The following LRMDA variants were observed in gnomAD, a reference collection of about 807,000 sequenced individuals.
LRMDA encodes leucine-rich melanocyte differentiation-associated protein.
In LRMDA, 18 loss-of-function variants were observed where a neutral mutation model predicts 29.8. The ratio of observed to expected loss-of-function variants is 0.60; its 90% CI spans 0.42 to 0.90. The LOEUF is 0.90. LRMDA is among the 40% of genes least tolerant of loss of function. LRMDA has a pLI of 0.00. For synonymous variants in LRMDA, 125 were observed against 109.4 expected (o/e 1.14, Z -0.89); for missense variants, 273 against 273.9 (o/e 1.00, Z 0.02).
At chr10:75,949,006 G>A (rs545983019) in intron 2 of LRMDA, among the ~76,000 whole-genome samples, 1 of 152,048 alleles carries the variant, frequency 6.6e-6, no homozygotes, top group Admixed American at 6.5e-5. Flanking sequence ...AAGCTTTTGT[G>A]TGTGTGTGTA....
chr10:75,898,337 T>C (rs1035317244), intron 2 of LRMDA, among the ~76,000 whole-genome samples: 3 of 152,174 alleles, frequency 2.0e-5, no homozygotes, highest in African/African-American at 7.2e-5. Flanking sequence ...GGGAAAGATA[T>C]CAAAGCAGGT....
At chr10:76,477,541 GA>G (rs1432417890) in intron 6 of LRMDA, among the ~76,000 whole-genome samples, 2 of 152,000 alleles carry the variant, frequency 1.3e-5, no homozygotes, top group Non-Finnish European at 2.9e-5. Flanking sequence ...CACAGAATTG[GA>G]AAAAACTACT....
At chr10:75,626,538 G>A (rs1050150535) in intron 2 of LRMDA, among the ~76,000 whole-genome samples, 1 of 152,198 alleles carries the variant, frequency 6.6e-6, no homozygotes, top group African/African-American at 2.4e-5. Flanking sequence ...TTGCTAGGGA[G>A]GGGAAGGTCC....
chr10:75,848,571 C>T (rs1844680192), intron 2 of LRMDA, among the ~76,000 whole-genome samples: 1 of 152,200 alleles, frequency 6.6e-6, no homozygotes, highest in African/African-American at 2.4e-5. Context: ...CTTTTCCTGC[C>T]TCCTTCTTCC....
chr10:75,636,687 G>C (rs1841393842), intron 2 of LRMDA, among the ~76,000 whole-genome samples: 4 of 152,134 alleles, frequency 2.6e-5, no homozygotes, highest in Admixed American at 2.6e-4. Context: ...ATCCAGTAAA[G>C]GCCATCAGCC....
At chr10:75,823,733 CAG>C (rs1844204158) in intron 2 of LRMDA, among the ~76,000 whole-genome samples, 1 of 144,568 alleles carries the variant, frequency 6.9e-6, no homozygotes, top group African/African-American at 2.6e-5. Flanking sequence ...TGTGTGTACA[CAG>C]ACACATATAT....
chr10:76,524,160 C>G (rs940273702), intron 6 of LRMDA, among the ~76,000 whole-genome samples: 1 of 152,240 alleles, frequency 6.6e-6, no homozygotes, highest in South Asian at 2.1e-4. Flanking sequence ...ATCATAATGA[C>G]AGGTATTTAT....
intron 2 of LRMDA, among the ~76,000 whole-genome samples, chr10:75,618,367 T>G (rs1268964833): frequency 2.0e-5 from 1 of 51,174 alleles, no homozygotes; most frequent in Non-Finnish European, 5.0e-5. Context: ...TCTCTCTCTC[T>G]CTCTCTCTCT....
chr10:76,183,745 G>T (rs969469556), intron 5 of LRMDA, among the ~76,000 whole-genome samples: 1 of 152,192 alleles, frequency 6.6e-6, no homozygotes, highest in African/African-American at 2.4e-5. Flanking sequence ...TAGAGATGGG[G>T]TATTGCTCTG....
chr10:75,741,509 A>T (rs945670367), intron 2 of LRMDA, among the ~76,000 whole-genome samples: 13 of 151,972 alleles, frequency 8.6e-5, no homozygotes, highest in African/African-American at 2.7e-4. Context: ...CTACTACCTG[A>T]TTGGTAACCT....
At chr10:75,526,794 G>A (rs1259234957) in intron 2 of LRMDA, among the ~76,000 whole-genome samples, 1 of 151,304 alleles carries the variant, frequency 6.6e-6, no homozygotes, top group East Asian at 1.9e-4. Context: ...AGAAGTTCAA[G>A]TCTTCAGTGA....
intron 6 of LRMDA, among the ~76,000 whole-genome samples, chr10:76,372,838 G>T (rs964029090): frequency 1.3e-5 from 2 of 151,924 alleles, no homozygotes; most frequent in African/African-American, 4.8e-5. Context: ...TTATTTTGTG[G>T]CTTCAGCTGA....
At chr10:76,040,704 A>T (rs1485096099) in intron 3 of LRMDA, among the ~76,000 whole-genome samples, 1 of 152,172 alleles carries the variant, frequency 6.6e-6, no homozygotes, top group Non-Finnish European at 1.5e-5. Flanking sequence ...AGTAAGGTTG[A>T]CCACCTGAAA....
At chr10:75,530,462 C>G (rs966657548) in intron 2 of LRMDA, among the ~76,000 whole-genome samples, 1 of 152,114 alleles carries the variant, frequency 6.6e-6, no homozygotes, top group African/African-American at 2.4e-5. Flanking sequence ...GTGAGTCCTT[C>G]CCAGAATGGA....
chr10:75,816,714 A>G (rs1844067718), intron 2 of LRMDA, among the ~76,000 whole-genome samples: 1 of 152,212 alleles, frequency 6.6e-6, no homozygotes, highest in South Asian at 2.1e-4. Flanking sequence ...AAAACAATGT[A>G]AAATATAGGG....
At chr10:76,282,470 G>A (rs1020963853) in intron 5 of LRMDA, among the ~76,000 whole-genome samples, 19 of 152,238 alleles carry the variant, frequency 1.2e-4, no homozygotes, top group Admixed American at 1.1e-3. Flanking sequence ...ATATACCCAC[G>A]ATCCATAGCC....
At chr10:76,382,507 G>A (rs928824345) in intron 6 of LRMDA, among the ~76,000 whole-genome samples, 6 of 152,224 alleles carry the variant, frequency 3.9e-5, no homozygotes, top group Non-Finnish European at 8.8e-5. Flanking sequence ...AACGACCCAT[G>A]GTAAAGCATT....
chr10:75,971,018 A>G (rs1477804371), intron 2 of LRMDA, among the ~76,000 whole-genome samples: 1 of 152,156 alleles, frequency 6.6e-6, no homozygotes, highest in Non-Finnish European at 1.5e-5. Flanking sequence ...GAGGTGACCA[A>G]TGAGCCCTCC....
At chr10:75,739,515 C>A in intron 2 of LRMDA, among the ~76,000 whole-genome samples, 1 of 152,116 alleles carries the variant, frequency 6.6e-6, no homozygotes. Flanking sequence ...CAAGAACCTG[C>A]GGAGAGAATG....
Sources: gnomAD v4.1 joint callset for allele counts (sites outside exome capture counted in the v4.1 genomes callset) on GRCh38, gnomAD v4.1.1 for gene constraint, MANE v1.5 for transcripts, NCBI Gene and HGNC (gene_info 2026-07-23, HGNC 2026-07-21) for gene names.